DLG2: variants seen among roughly 807,000 people sequenced by gnomAD.
The protein encoded by DLG2 is disks large homolog 2.
DLG2 carries 45 observed loss-of-function variants against 132.5 expected under a neutral mutation model. The observed-to-expected ratio is 0.34, with a 90% CI of 0.27 to 0.44. The LOEUF (loss-of-function observed/expected upper bound fraction) is 0.44. Ranked by LOEUF, DLG2 falls within the 20% of genes least tolerant of loss-of-function variation. The pLI is 1.00. For missense variants in DLG2, 1,045 were observed against 1,196.9 expected (o/e 0.87, Z 1.87); for synonymous variants, 424 against 419.6 (o/e 1.01, Z -0.13).
intron 19 of DLG2, among the ~76,000 whole-genome samples, chr11:83,609,201 T>C (rs148066256): frequency 2.0e-3 from 305 of 152,334 alleles, no homozygotes; most frequent in African/African-American, 6.3e-3. Flanking sequence ...GGCCTACAAA[T>C]TGAAATAAAC....
intron 18 of DLG2, among the ~76,000 whole-genome samples, chr11:83,706,590 G>C (rs796697663): frequency 5.9e-5 from 9 of 152,326 alleles, no homozygotes; most frequent in African/African-American, 9.6e-5. Context: ...CTGAGAAGAG[G>C]AAAGAGGAAG....
intron 6 of DLG2, among the ~76,000 whole-genome samples, chr11:84,952,409 C>T (rs1248967864): frequency 5.9e-5 from 9 of 152,012 alleles, no homozygotes; most frequent in Middle Eastern, 3.4e-3. Flanking sequence ...CCCAGCTACT[C>T]GGGAGGCTGA....
At chr11:84,899,588 C>T (rs1325270352) in intron 6 of DLG2, among the ~76,000 whole-genome samples, 2 of 152,016 alleles carry the variant, frequency 1.3e-5, no homozygotes, top group Non-Finnish European at 2.9e-5. Context: ...AGTTTGGAAG[C>T]ACCAATATTA....
rs551886508 is a variant in DLG2, at chr11:83,464,379, C to T, written c.2730-2286G>A. ...TGTGACAGCTGTCATGCTTTTGTTC[C>T]GGCTGACCTAGCATTCACTACTCTC... On this transcript the variant is annotated intron_variant, in intron 26 of 27. Coordinates refer to ENST00000376104, the MANE Select transcript of DLG2 (RefSeq NM_001142699.3). Among the ~76,000 whole-genome samples, 30 of 152,252 alleles carry T rather than the reference C, an allele frequency of 2.0e-4. No individual in the cohort carries two copies. In the South Asian group the frequency reaches 5.4e-3, roughly 27 times the overall value.
chr11:85,228,082 C>G (rs1283942270), intron 4 of DLG2, among the ~76,000 whole-genome samples: 2 of 152,022 alleles, frequency 1.3e-5, no homozygotes, highest in Non-Finnish European at 2.9e-5. Context: ...GTATCACTAC[C>G]TGGCACACTC....
At chr11:85,116,416 T>A (rs2073589502) in intron 5 of DLG2, among the ~76,000 whole-genome samples, 1 of 151,946 alleles carries the variant, frequency 6.6e-6, no homozygotes, top group African/African-American at 2.4e-5. Context: ...TATATATCTA[T>A]ATTTGTATGT....
chr11:84,501,055 T>G (rs1274354021), intron 7 of DLG2, among the ~76,000 whole-genome samples: 1 of 152,168 alleles, frequency 6.6e-6, no homozygotes, highest in Admixed American at 6.5e-5. Flanking sequence ...GAACTCAGTT[T>G]CCTTTGTTGT....
intron 6 of DLG2, among the ~76,000 whole-genome samples, chr11:84,555,487 A>C (rs1273563618): frequency 6.6e-6 from 1 of 152,238 alleles, no homozygotes; most frequent in Non-Finnish European, 1.5e-5. Context: ...GCTTTAAAAA[A>C]GAAAGGACAT....
intron 15 of DLG2, among the ~76,000 whole-genome samples, chr11:83,909,608 G>A (rs2075685661): frequency 6.6e-6 from 1 of 152,102 alleles, no homozygotes; most frequent in Non-Finnish European, 1.5e-5. Flanking sequence ...ATAAATAAAT[G>A]TTTAACTTTT....
chr11:84,854,818 T>G (rs375577438), intron 6 of DLG2, among the ~76,000 whole-genome samples: 1 of 151,998 alleles, frequency 6.6e-6, no homozygotes, highest in African/African-American at 2.4e-5. Flanking sequence ...TACCCCATAG[T>G]GATTCTTTTA....
rs1449835826 is a variant in DLG2 at position 84,943,163 on chromosome 11, TGTGC to T, written c.357+168494_357+168497del. On this transcript the variant is annotated intron_variant, in intron 6 of 27. Transcript: ENST00000376104. ...CACAGATTTTTGGGTCGTGTGTGTGTGTGCGTGTGTGTGTGTGTGTGTGTGTGTG... is the reference window on the plus strand; with the variant it reads ...CACAGATTTTTGGGTCGTGTGTGTGTGTGTGTGTGTGTGTGTGTGTGTGTG... Among the ~76,000 whole-genome samples, 8 of 130,554 alleles carry T rather than the reference TGTGC, an allele frequency of 6.1e-5. No homozygotes were observed. In the South Asian group the frequency reaches 9.8e-4, roughly 16 times the overall value. The allele number at this position is 130,554 out of a possible 152,430, so 85.6% of individuals were successfully genotyped here.
chr11:85,034,749 T>C lies in DLG2; in HGVS notation c.357+76912A>G, dbSNP rs541908512. Reference sequence around the variant, plus strand: ...AGACTCTAGTTTCAGGGCGATCCTGTGGTAACCTTTTGCCCTTACAGTGCA... The same window carrying C: ...AGACTCTAGTTTCAGGGCGATCCTGCGGTAACCTTTTGCCCTTACAGTGCA... On this transcript the variant is annotated intron_variant, in intron 6 of 27. Coordinates refer to ENST00000376104, the MANE Select transcript of DLG2 (RefSeq NM_001142699.3). Among the ~76,000 whole-genome samples, 5 of 152,326 alleles carry C rather than the reference T, an allele frequency of 3.3e-5. No homozygotes were observed. In the East Asian group the frequency reaches 9.7e-4, roughly 29 times the overall value.
intron 6 of DLG2, among the ~76,000 whole-genome samples, chr11:85,082,816 T>A (rs181636749): frequency 7.6e-4 from 115 of 151,294 alleles, no homozygotes; most frequent in African/African-American, 2.7e-3. Context: ...GAATTCTTAT[T>A]CTGATTTGAA....
chr11:85,450,673 C>T (rs909529987), intron 3 of DLG2, among the ~76,000 whole-genome samples: 11 of 152,136 alleles, frequency 7.2e-5, no homozygotes, highest in African/African-American at 2.7e-4. Flanking sequence ...TCAACCAACC[C>T]CAATCTGGGG....
At chr11:85,122,243 G>C (rs2074410849) in intron 5 of DLG2, among the ~76,000 whole-genome samples, 1 of 152,196 alleles carries the variant, frequency 6.6e-6, no homozygotes, top group South Asian at 2.1e-4. Flanking sequence ...ACAATGTGCG[G>C]AGAACATGGA....
At chr11:83,957,578 A>C (rs2087236997) in intron 14 of DLG2, among the ~76,000 whole-genome samples, 1 of 147,696 alleles carries the variant, frequency 6.8e-6, no homozygotes, top group Non-Finnish European at 1.5e-5. Flanking sequence ...TTTTAAAAAC[A>C]TAAATCAGAT....
At chr11:83,715,275 T>G (rs940701794) in intron 18 of DLG2, among the ~76,000 whole-genome samples, 6 of 152,176 alleles carry the variant, frequency 3.9e-5, no homozygotes, top group Admixed American at 3.3e-4. Context: ...CTCCATATAT[T>G]TCCTACTAGA....
intron 7 of DLG2, among the ~76,000 whole-genome samples, chr11:84,280,983 A>T (rs1210334381): frequency 6.6e-6 from 1 of 150,470 alleles, no homozygotes; most frequent in African/African-American, 2.4e-5. Flanking sequence ...GGCCTCCCAA[A>T]GTGCTGGGAT....
chr11:83,548,001 A>C (rs2096282028), intron 19 of DLG2, among the ~76,000 whole-genome samples: 2 of 152,178 alleles, frequency 1.3e-5, no homozygotes, highest in South Asian at 4.1e-4. Flanking sequence ...TGAAGCTTTA[A>C]ATACTTCTTA....
Sources: allele counts gnomAD v4.1 joint callset (sites outside exome capture counted in the v4.1 genomes callset), GRCh38; gene constraint gnomAD v4.1.1; transcripts MANE v1.5; gene names NCBI Gene and HGNC (gene_info 2026-07-23, HGNC 2026-07-21).